The following HERC4 variants were observed in gnomAD, a reference collection of about 807,000 sequenced individuals.
The protein encoded by HERC4 is HECT and RLD domain containing E3 ubiquitin protein ligase 4.
In HERC4, 28 loss-of-function variants were observed where a neutral mutation model predicts 124.3. That is an observed-to-expected ratio of 0.23 (90% CI 0.17 to 0.31). HERC4 has a LOEUF of 0.31. Among genes scored for constraint, HERC4 ranks in the 10% least tolerant of loss-of-function variants. HERC4 has a pLI of 1.00. For synonymous variants in HERC4, 407 were observed against 421.5 expected, an observed-to-expected ratio of 0.97 and a Z score of 0.42; for missense variants, 713 against 1,229.3, an observed-to-expected ratio of 0.58 and a Z score of 6.28.
chr10:67,926,121 G>A (rs558309897), intron 23 of HERC4, among the ~76,000 whole-genome samples: 12 of 152,282 alleles, frequency 7.9e-5, no homozygotes, highest in East Asian at 3.9e-4. Context: ...CTGGCCGGGC[G>A]CGGTGGCTCA....
At chr10:67,953,852 A>G (rs1007899756) in intron 19 of HERC4, among the ~76,000 whole-genome samples, 2 of 152,194 alleles carry the variant, frequency 1.3e-5, no homozygotes, top group Non-Finnish European at 2.9e-5. Context: ...GTAGCACACC[A>G]TTTTGCAACC....
chr10:67,987,900 T>A (rs1387260609), intron 15 of HERC4: 1 of 152,098 alleles, frequency 6.6e-6, no homozygotes, highest in African/African-American at 2.4e-5. Context: ...AAGAAGCTGT[T>A]AAGGAGAAGA....
intron 5 of HERC4, 127 bp from the exon 6 acceptor site, chr10:68,034,313 A>G: frequency 1.5e-6 from 1 of 676,862 alleles, no homozygotes; most frequent in East Asian, 2.7e-5. Flanking sequence ...TATCATCAAA[A>G]GAATATAAAT....
chr10:67,955,234 C>T, intron 17 of HERC4, 104 bp from the exon 18 acceptor site: 1 of 957,918 alleles, frequency 1.0e-6, no homozygotes, highest in Non-Finnish European at 1.5e-6. Flanking sequence ...TCTATAATTC[C>T]TATGCTACTG....
intron 23 of HERC4, among the ~76,000 whole-genome samples, chr10:67,926,806 C>G (rs2031032150): frequency 6.6e-6 from 1 of 152,216 alleles, no homozygotes; most frequent in Non-Finnish European, 1.5e-5. Context: ...TAGCCTAGAT[C>G]AGGCTCCTCC....
intron 9 of HERC4, chr10:67,992,993 T>A (rs957483510): frequency 1.1e-5 from 2 of 181,706 alleles, no homozygotes; most frequent in Non-Finnish European, 2.3e-5. Context: ...CCAAAGATGA[T>A]TTAAAAAAAA....
At chr10:68,040,243 A>G (rs2039691806) in intron 4 of HERC4, 2 of 982,062 alleles carry the variant, frequency 2.0e-6, no homozygotes, top group South Asian at 9.4e-5. Context: ...TGTAACACAC[A>G]TTAAATGCTA....
chr10:68,037,672 TAAAC>T (rs1441406956), intron 5 of HERC4, among the ~76,000 whole-genome samples: 3 of 151,984 alleles, frequency 2.0e-5, no homozygotes, highest in Admixed American at 1.3e-4. Flanking sequence ...GTCTATATAA[TAAAC>T]AAAAAATGAC....
intron 19 of HERC4, among the ~76,000 whole-genome samples, chr10:67,950,345 G>A (rs985067597): frequency 6.6e-6 from 1 of 151,264 alleles, no homozygotes; most frequent in Non-Finnish European, 1.5e-5. Flanking sequence ...GCATGATCTC[G>A]GCTCACTGCA....
chr10:68,051,691 CTTTTT>C (rs779623868), intron 3 of HERC4, among the ~76,000 whole-genome samples: 10 of 109,660 alleles, frequency 9.1e-5, no homozygotes, highest in Admixed American at 6.5e-4. Flanking sequence ...CTTTTCTTTT[CTTTTT>C]TTTTTTTTTT....
chr10:67,978,999 A>G (rs575717867), intron 15 of HERC4, among the ~76,000 whole-genome samples: 22 of 152,184 alleles, frequency 1.4e-4, no homozygotes, highest in Non-Finnish European at 2.8e-4. Context: ...AGCCTTTCCA[A>G]GAAGCACGAA....
At chr10:68,027,326 T>C (rs1449618587) in intron 7 of HERC4, among the ~76,000 whole-genome samples, 2 of 152,158 alleles carry the variant, frequency 1.3e-5, no homozygotes, top group African/African-American at 4.8e-5. Flanking sequence ...TGGCAAAAGG[T>C]TGGTTATTTT....
chr10:67,960,138 C>A lies in HERC4; in HGVS notation c.1927-3162G>T, dbSNP rs139807125. Among the ~76,000 whole-genome samples the A allele has an allele frequency of 3.8e-3, 585 of 152,278 alleles. 18 individuals carry two copies. The Middle Eastern group carries it at 0.071, about 19-fold the overall frequency. ...AAGAGCTGGGAACTAGAGGTCACTA[C>A]GGGAGCAGGATGTGATTGAACCCCA... On this transcript the variant is annotated intron_variant, in intron 16 of 24. Coordinates refer to ENST00000373700, the MANE Select transcript of HERC4 (RefSeq NM_015601.4).
In HERC4 at chr10:67,966,772, A is replaced by G; in HGVS notation, c.1837T>C (p.Tyr613His). The G allele has an allele frequency of 6.3e-7, 1 of 1,576,676 alleles. No individual in the cohort carries two copies. The highest frequency in any genetic ancestry group is 8.7e-7 in the Non-Finnish European group (1 of 1,155,060). Residue 613 changes from tyrosine (Y) to histidine (H), a missense_variant, in exon 16 of 25, where the codon TAT (tyrosine) becomes CAT (histidine). Tyr to His is a moderately conservative substitution (Grantham distance 83). Coordinates refer to ENST00000373700, the MANE Select transcript of HERC4 (RefSeq NM_015601.4). ...ACTTCATGTATATAAAATTTATCAT[A>G]CTGTATAATCTGTCCCATTTTCTCA... is the stretch of plus-strand genomic sequence containing the variant. ...VNEKMGQIIQYDKFYIHEVQE... is the reference protein window; with the variant it reads ...VNEKMGQIIQHDKFYIHEVQE...
chr10:67,944,079 A>G (rs1245609254), intron 19 of HERC4, among the ~76,000 whole-genome samples: 1 of 152,258 alleles, frequency 6.6e-6, no homozygotes, highest in Non-Finnish European at 1.5e-5. Flanking sequence ...TGCTGACTGC[A>G]GAGCCCTAGG....
At chr10:68,060,491 G>A (rs1314513576) in intron 3 of HERC4, among the ~76,000 whole-genome samples, 5 of 151,920 alleles carry the variant, frequency 3.3e-5, no homozygotes, top group African/African-American at 4.8e-5. Flanking sequence ...CACCCGCCTC[G>A]ACCTCCCAAA....
chr10:67,925,024 G>A (rs934061403), intron 24 of HERC4, 61 bp downstream of exon 24: 2 of 918,348 alleles, frequency 2.2e-6, no homozygotes, highest in East Asian at 2.5e-5. Context: ...ACAGGGCTTT[G>A]GAATAATACT....
chr10:68,070,833 C>A (rs891515811), intron 3 of HERC4, among the ~76,000 whole-genome samples: 2 of 152,006 alleles, frequency 1.3e-5, no homozygotes, highest in Admixed American at 1.3e-4. Flanking sequence ...CAGCTCCAGA[C>A]TTATTTCCTA....
At chr10:67,945,519 A>G (rs983917548) in intron 19 of HERC4, among the ~76,000 whole-genome samples, 3 of 152,224 alleles carry the variant, frequency 2.0e-5, no homozygotes, top group African/African-American at 7.2e-5. Context: ...AGCAAAACTC[A>G]CTGGTAATAG....
Sources: gnomAD v4.1 joint callset for allele counts (sites outside exome capture counted in the v4.1 genomes callset) on GRCh38, gnomAD v4.1.1 for gene constraint, MANE v1.5 for transcripts, NCBI Gene and HGNC (gene_info 2026-07-23, HGNC 2026-07-21) for gene names.